Variants in DDX20 observed in about 807,000 individuals in gnomAD.
DDX20 encodes probable ATP-dependent RNA helicase DDX20.
In DDX20, 61 loss-of-function variants were observed where a neutral mutation model predicts 76.4. The observed-to-expected ratio is 0.80, with a 90% CI of 0.65 to 0.99. DDX20 has a LOEUF of 0.99. DDX20 is among the 50% of genes least tolerant of loss of function. DDX20 has a pLI of 0.00. For synonymous variants in DDX20, 357 were observed against 357.4 expected, an observed-to-expected ratio of 1.00 and a Z score of 0.01; for missense variants, 976 against 996.8, an observed-to-expected ratio of 0.98 and a Z score of 0.28.
chr1:111,759,274 C>T (rs1663622502), intron 2 of DDX20, 126 bp from the exon 3 acceptor site: 1 of 815,760 alleles, frequency 1.2e-6, no homozygotes, highest in African/African-American at 1.8e-5. Context: ...TGTACCTTAC[C>T]TTATCAATAA....
chr1:111,759,418 A>G lies in DDX20; in HGVS notation c.415A>G (p.Thr139Ala). ...LSTQILILAP[T>A]REIAVQIHSV... ...TTTTTAGATTTTGATCTTGGCTCCT[A>G]CAAGAGAAATTGCTGTACAGATACA... The change falls in exon 3 of 11, where the codon ACA (threonine) becomes GCA (alanine). Residue 139 changes from threonine to alanine, a missense_variant. This residue lies in a region of DDX20 where 343 missense variants were observed against 286.4 expected (regional missense o/e 1.20). Transcript: ENST00000369702. The G allele has an allele frequency of 6.2e-7, 1 of 1,600,890 alleles. No individual in the cohort carries two copies. Among genetic ancestry groups the G allele is most frequent in the Non-Finnish European group, 8.5e-7 (1 of 1,175,882 alleles).
intron 1 of DDX20, 31 bp from the exon 2 acceptor site, chr1:111,756,615 G>A (rs1663561310): frequency 6.3e-7 from 1 of 1,598,708 alleles, no homozygotes; most frequent in Non-Finnish European, 8.6e-7. Context: ...AGTGAGTACT[G>A]GCTAGTGATA....
In DDX20 at chr1:111,765,929, C is replaced by A. The variant is rs1252676338; in HGVS notation, c.1505C>A (p.Ser502Tyr). 7 of 1,613,542 alleles carry A rather than the reference C, an allele frequency of 4.3e-6. No homozygotes were observed. Among genetic ancestry groups the A allele is most frequent in the Non-Finnish European group, 5.9e-6 (7 of 1,179,924 alleles). The change falls in exon 11 of 11, where the codon TCT becomes TAT. Residue 502 changes from serine to tyrosine, a missense_variant. Ser to Tyr is a moderately radical substitution (Grantham distance 144, BLOSUM62 -2). This residue lies in a region of DDX20 where 630 missense variants were observed against 693.7 expected (regional missense o/e 0.91). Coordinates refer to ENST00000369702, the MANE Select transcript of DDX20 (RefSeq NM_007204.5). ...GCTTCCTCTAGAAATAATTCTGTAT[C>A]TGGACTATCAGTCAAATCAAAAAAT... The part of the protein sequence containing the change: ...HMASSRNNSV[S>Y]GLSVKSKNNT...
chr1:111,763,588 AAAG>A (rs1663719142), intron 10 of DDX20, among the ~76,000 whole-genome samples: 1 of 151,252 alleles, frequency 6.6e-6, no homozygotes, highest in Admixed American at 6.6e-5. Context: ...AAAAAAAAAG[AAAG>A]AAAAATGAGA....
At chr1:111,764,701 A>G (rs1402231498) in intron 10 of DDX20, among the ~76,000 whole-genome samples, 1 of 152,222 alleles carries the variant, frequency 6.6e-6, no homozygotes, top group African/African-American at 2.4e-5. Context: ...TTGCCTTTGG[A>G]TACTGGAAAA....
chr1:111,760,665 T>C (rs1663654945), intron 4 of DDX20, 41 bp from the exon 5 acceptor site: 15 of 1,603,094 alleles, frequency 9.4e-6, no homozygotes, highest in Non-Finnish European at 1.3e-5. Flanking sequence ...GTGGTGATTA[T>C]TGTTTGAATA....
chr1:111,756,136 G>C lies in DDX20; in HGVS notation c.212G>C (p.Arg71Pro). ...GACTTCGAGTCACTGCTGCTTTCGC[G>C]GCCGGTGCTGGAGGGGCTGCGGGCG... ...PADFESLLLSRPVLEGLRAAG... is the reference protein window; with the variant it reads ...PADFESLLLSPPVLEGLRAAG... The change falls in exon 1 of 11, where the codon CGG becomes CCG. Residue 71 changes from arginine to proline, a missense_variant. Physicochemically the swap from Arg to Pro is moderately radical, Grantham distance 103 (BLOSUM62 -2). Around this residue, in one of 3 missense-constraint regions of DDX20, gnomAD observed 343 missense variants for 286.4 expected, o/e 1.20. Transcript: ENST00000369702. 6.3e-7 allele frequency: 1 copy of C among 1,581,638 alleles called. No homozygotes were observed. Among genetic ancestry groups the C allele is most frequent in the South Asian group, 1.1e-5 (1 of 88,608 alleles).
intron 10 of DDX20, among the ~76,000 whole-genome samples, chr1:111,763,690 T>C (rs197407): frequency 0.19 from 28,877 of 152,150 alleles, 3,774 homozygotes; most frequent in African/African-American, 0.37. Context: ...TCTTAAATTG[T>C]TGTGAAGGTA....
chr1:111,766,708 A>G lies in DDX20; in HGVS notation c.2284A>G (p.Ile762Val), dbSNP rs190092701. The change falls in exon 11 of 11, where the codon ATA (isoleucine) becomes GTA (valine). Residue 762 changes from isoleucine (I) to valine (V), a missense_variant. By Grantham distance (29) the Ile-to-Val change is conservative. Around this residue, in one of 3 missense-constraint regions of DDX20, gnomAD observed 630 missense variants for 693.7 expected, o/e 0.91. Transcript: ENST00000369702. ...EDDWYDCHRE[I>V]RLSFSDTYQD... ...TGATTGGTATGACTGTCATAGGGAA[A>G]TACGTCTGAGTTTTTCTGATACCTA... The G allele has an allele frequency of 2.2e-4, 361 of 1,614,194 alleles. 1 individual carries two copies. The highest frequency in any genetic ancestry group is 2.6e-4 in the Non-Finnish European group (307 of 1,180,008).
chr1:111,763,379 C>G (rs1663713403), intron 10 of DDX20, among the ~76,000 whole-genome samples: 1 of 152,110 alleles, frequency 6.6e-6, no homozygotes, highest in South Asian at 2.1e-4. Context: ...CAAGACGAGC[C>G]TGGTCAATGT....
Position 111,761,020 on chromosome 1 carries a change from A to G in DDX20, c.857A>G (p.Tyr286Cys), listed in dbSNP as rs757241993. The G allele has an allele frequency of 6.2e-7, 1 of 1,613,924 alleles. No individual in the cohort carries two copies. The highest frequency in any genetic ancestry group is 2.2e-5 in the East Asian group (1 of 44,856). The change falls in exon 6 of 11, where the codon TAC (tyrosine) becomes TGC (cysteine). Residue 286 changes from tyrosine (Y) to cysteine (C), a missense_variant. By Grantham distance (194) the Tyr-to-Cys change is radical. This residue lies in a region of DDX20 where 630 missense variants were observed against 693.7 expected (regional missense o/e 0.91). Transcript: ENST00000369702. The part of the protein sequence containing the change: ...LKQYYKVVNS[Y>C]PLAHKVFEEK... The stretch of plus-strand genomic sequence containing the variant: ...CAGTATTACAAAGTTGTCAATTCAT[A>G]CCCTTTGGCACATAAGGTTTTTGAG...
Position 111,766,738 on chromosome 1 carries a change from G to C in DDX20, c.2314G>C (p.Asp772His), listed in dbSNP as rs1282018524. 1 of 1,614,044 alleles carries C rather than the reference G, an allele frequency of 6.2e-7. No homozygotes were observed. Among genetic ancestry groups the C allele is most frequent in the African/African-American group, 1.3e-5 (1 of 74,922 alleles). Residue 772 changes from aspartate to histidine, a missense_variant, in exon 11 of 11, where the codon GAT becomes CAT. Transcript: ENST00000369702. ...IRLSFSDTYQ[D>H]YEEYWRAYYR... ...TCTGAGTTTTTCTGATACCTATCAG[G>C]ATTATGAGGAGTACTGGAGAGCTTA... is the stretch of plus-strand genomic sequence containing the variant.
In DDX20 at chr1:111,766,711, C is replaced by G. The variant is rs759788190; in HGVS notation, c.2287C>G (p.Arg763Gly). The G allele has an allele frequency of 1.1e-5, 18 of 1,613,958 alleles. No individual in the cohort carries two copies. Among genetic ancestry groups the G allele is most frequent in the Non-Finnish European group, 1.4e-5 (17 of 1,179,964 alleles). The change falls in exon 11 of 11, where the codon CGT (arginine) becomes GGT (glycine). Residue 763 changes from arginine to glycine, a missense_variant. Arg to Gly is a moderately radical substitution (Grantham distance 125). This residue lies in a region of DDX20 where 630 missense variants were observed against 693.7 expected (regional missense o/e 0.91). Transcript: ENST00000369702. ...TTGGTATGACTGTCATAGGGAAATA[C>G]GTCTGAGTTTTTCTGATACCTATCA... The part of the protein sequence containing the change: ...DDWYDCHREI[R>G]LSFSDTYQDY...
At chr1:111,759,879 C>A (rs1294516986) in intron 3 of DDX20, among the ~76,000 whole-genome samples, 1 of 147,496 alleles carries the variant, frequency 6.8e-6, no homozygotes, top group African/African-American at 2.5e-5. Flanking sequence ...GAGGCTGAGG[C>A]AGGAGAATGG....
At chr1:111,761,788 T>TAA (rs1663681455) in intron 7 of DDX20, 1 of 155,106 alleles carries the variant, frequency 6.4e-6, no homozygotes, top group African/African-American at 2.4e-5. Context: ...AGATCCTTTT[T>TAA]AGAGTTTTGT....
Position 111,765,870 on chromosome 1 carries a change from CCTT to C in DDX20, c.1448_1450del (p.Leu483del). 6.2e-7 allele frequency: 1 copy of C among 1,614,058 alleles called. No homozygotes were observed. The highest frequency in any genetic ancestry group is 1.1e-5 in the South Asian group (1 of 91,072). On this transcript the variant is annotated inframe_deletion, in exon 11 of 11. Transcript: ENST00000369702. ...AGCAAATTCAGAAAATAGAGAGAAC[CCTT>C]CAAATTCAGAAAGCTCATGGTGACC...
intron 1 of DDX20, 41 bp downstream of exon 1, chr1:111,756,266 G>GGGGGAC: frequency 2.4e-6 from 2 of 842,534 alleles, no homozygotes; most frequent in Non-Finnish European, 3.3e-6. Flanking sequence ...GGTGGGGTGG[G>GGGGGAC]AGAAGGGGGA....
chr1:111,765,061 A>T (rs1045392309), intron 10 of DDX20, among the ~76,000 whole-genome samples: 2 of 152,246 alleles, frequency 1.3e-5, no homozygotes, highest in Non-Finnish European at 2.9e-5. Context: ...TTGTCTGCCT[A>T]AGACAAAAAT....
intron 1 of DDX20, 91 bp downstream of exon 1, chr1:111,756,316 G>A: frequency 7.6e-7 from 1 of 1,321,590 alleles, no homozygotes; most frequent in Non-Finnish European, 9.8e-7. Flanking sequence ...CGCAGCTCAG[G>A]AAGAGCCCTC....
Sources: gnomAD v4.1 joint callset for allele counts (sites outside exome capture counted in the v4.1 genomes callset) on GRCh38, gnomAD v4.1.1 for gene constraint, gnomAD v4.1.1 regional missense constraint, MANE v1.5 for transcripts, NCBI Gene and HGNC (gene_info 2026-07-23, HGNC 2026-07-21) for gene names.